The following TENM3 variants were observed in gnomAD, a reference collection of about 807,000 sequenced individuals.
TENM3 encodes the protein teneurin transmembrane protein 3, also known as teneurin-3.
In TENM3, 63 loss-of-function variants were observed where a neutral mutation model predicts 255.1. That is an observed-to-expected ratio of 0.25 (90% confidence interval 0.20 to 0.30). TENM3 has a LOEUF of 0.30. Ranked by LOEUF, TENM3 falls within the 10% of genes least tolerant of loss-of-function variation. The pLI, the probability that TENM3 is intolerant of heterozygous loss-of-function variation, is 1.00. For synonymous variants in TENM3, 1,306 were observed against 1,322.3 expected (o/e 0.99, Z 0.27); for missense variants, 2,929 against 3,461.1 (o/e 0.85, Z 3.86).
chr4:182,136,982 C>CG, the TENM3 span, among the ~76,000 whole-genome samples: 1 of 152,108 alleles, frequency 6.6e-6, no homozygotes, highest in Non-Finnish European at 1.5e-5. Context: ...GCATCCCCCC[C>CG]CACCCAATAC....
chr4:181,598,550 A>G, the TENM3 span, among the ~76,000 whole-genome samples: 3 of 152,216 alleles, frequency 2.0e-5, no homozygotes, highest in Non-Finnish European at 4.4e-5. Flanking sequence ...TTAATGGGAC[A>G]CAATGAAAAG....
At chr4:182,110,288 C>T in the TENM3 span, among the ~76,000 whole-genome samples, 1 of 151,842 alleles carries the variant, frequency 6.6e-6, no homozygotes. Context: ...TTGCACTGAT[C>T]CCTATTCAAG....
At chr4:182,257,281 AC>A (rs761343232) in intron 1 of TENM3, among the ~76,000 whole-genome samples, 3 of 152,192 alleles carry the variant, frequency 2.0e-5, no homozygotes, top group Admixed American at 6.5e-5. Flanking sequence ...GTCTGCATTC[AC>A]GTGTAACAGA....
At chr4:182,779,573 G>A (rs940559317) in intron 24 of TENM3, among the ~76,000 whole-genome samples, 1 of 152,130 alleles carries the variant, frequency 6.6e-6, no homozygotes, top group African/African-American at 2.4e-5. Context: ...CCCAGTAATG[G>A]GGTAATGGGA....
the TENM3 span, among the ~76,000 whole-genome samples, chr4:181,900,151 A>G: frequency 6.6e-6 from 1 of 152,190 alleles, no homozygotes; most frequent in African/African-American, 2.4e-5. Flanking sequence ...TTAAATCTTC[A>G]TTGATTTATG....
chr4:182,167,937 T>G (rs773084212), intron 1 of TENM3, among the ~76,000 whole-genome samples: 6 of 152,152 alleles, frequency 3.9e-5, no homozygotes, highest in Non-Finnish European at 8.8e-5. Context: ...TGTTTTATGA[T>G]ACAGAATATT....
the TENM3 span, among the ~76,000 whole-genome samples, chr4:181,677,651 T>G: frequency 6.6e-6 from 1 of 152,220 alleles, no homozygotes; most frequent in South Asian, 2.1e-4. Flanking sequence ...GTGGGAGTGC[T>G]TCTCTAAAAG....
At chr4:182,592,411 C>G (rs911207923) in intron 3 of TENM3, among the ~76,000 whole-genome samples, 2 of 152,180 alleles carry the variant, frequency 1.3e-5, no homozygotes, top group African/African-American at 4.8e-5. Flanking sequence ...ACCTGAGGCT[C>G]TGGCCACTGT....
chr4:181,697,079 T>A, the TENM3 span, among the ~76,000 whole-genome samples: 1 of 152,246 alleles, frequency 6.6e-6, no homozygotes, highest in African/African-American at 2.4e-5. Flanking sequence ...GGACCCTTGA[T>A]GACCAACAAT....
the TENM3 span, among the ~76,000 whole-genome samples, chr4:181,549,373 C>T: frequency 6.6e-6 from 1 of 152,136 alleles, no homozygotes; most frequent in Non-Finnish European, 1.5e-5. Flanking sequence ...CATTTTACAT[C>T]ATTGTTATCC....
intron 3 of TENM3, among the ~76,000 whole-genome samples, chr4:182,446,239 A>G (rs1460589094): frequency 1.3e-5 from 2 of 152,226 alleles, no homozygotes; most frequent in African/African-American, 2.4e-5. Context: ...ATTTGGAAAT[A>G]CATAATTAGT....
At position 182,718,017 on chromosome 4, in the gene TENM3, G is replaced by A. The variant is rs78436100; in HGVS notation, c.2368+3784G>A. Among the ~76,000 whole-genome samples the A allele has an allele frequency of 6.6e-3, 1,009 of 152,152 alleles. 14 individuals carry two copies. Among genetic ancestry groups the A allele is most frequent in the African/African-American group, 0.023 (971 of 41,522 alleles). ...AAGTACCTCTTTTCACCAGCCATTTGCATTGAAGTCTGCCCTGTCTCACAG... is the reference window on the plus strand; with the variant it reads ...AAGTACCTCTTTTCACCAGCCATTTACATTGAAGTCTGCCCTGTCTCACAG... On this transcript the variant is annotated intron_variant, in intron 13 of 27. Transcript: ENST00000511685.
chr4:182,010,560 A>T, the TENM3 span, among the ~76,000 whole-genome samples: 1 of 152,082 alleles, frequency 6.6e-6, no homozygotes, highest in Non-Finnish European at 1.5e-5. Context: ...CAAAGAAAAA[A>T]TGGGATTCGT....
chr4:181,588,107 G>A, the TENM3 span, among the ~76,000 whole-genome samples: 1 of 152,282 alleles, frequency 6.6e-6, no homozygotes, highest in East Asian at 1.9e-4. Flanking sequence ...GAGCATGCCA[G>A]ACATGCCAAG....
chr4:182,792,423 C>G lies in TENM3; in HGVS notation c.5751C>G (p.Pro1917=). Residue 1917 remains proline (P), a synonymous_variant, in exon 26 of 28, where the codon CCC becomes CCG. Transcript: ENST00000511685. This position sits in a 1 kb window ranked among gnomAD's most constrained non-coding sequence, Gnocchi z 6.3. ...GCTACTACCGCAACATATACAACCC[C>G]CCGGAAAGCAACGCCTCCATCATCA... The part of the protein sequence containing the change: ...SIGYYRNIYN[P]PESNASIITD... 1 of 1,614,050 alleles carries G rather than the reference C, an allele frequency of 6.2e-7. No individual in the cohort carries two copies. The highest frequency in any genetic ancestry group is 8.5e-7 in the Non-Finnish European group (1 of 1,179,908).
rs182333750 is a variant in TENM3 at position 182,674,529 on chromosome 4, T to C, written c.1326+1310T>C. The stretch of plus-strand genomic sequence containing the variant: ...CTTCTTATAATGTACTAATGCCCAA[T>C]TTTAAATTTTATATTTTTGTTTGTT... On this transcript the variant is annotated intron_variant, in intron 7 of 27. Coordinates refer to ENST00000511685, the MANE Select transcript of TENM3 (RefSeq NM_001080477.4). 4.0e-3 allele frequency among the ~76,000 whole-genome samples: 603 copies of C among 152,278 alleles called. 2 individuals carry two copies. The highest frequency in any genetic ancestry group is 0.01 in the Middle Eastern group (3 of 294).
the TENM3 span, among the ~76,000 whole-genome samples, chr4:182,088,448 T>G: frequency 6.6e-6 from 1 of 152,158 alleles, no homozygotes; most frequent in Non-Finnish European, 1.5e-5. Flanking sequence ...TTCAGCTTTC[T>G]CCCCAACCTT....
the TENM3 span, among the ~76,000 whole-genome samples, chr4:181,994,205 A>C: frequency 6.6e-6 from 1 of 152,322 alleles, no homozygotes; most frequent in South Asian, 2.1e-4. Flanking sequence ...AATAAGCAAT[A>C]AAACAATTAT....
chr4:181,840,485 A>G, the TENM3 span, among the ~76,000 whole-genome samples: 1 of 152,122 alleles, frequency 6.6e-6, no homozygotes, highest in Non-Finnish European at 1.5e-5. Flanking sequence ...ACTCTAAACT[A>G]AATACTATTT....
Sources: gnomAD v4.1 joint callset for allele counts (sites outside exome capture counted in the v4.1 genomes callset) on GRCh38, gnomAD v4.1.1 for gene constraint, Gnocchi (gnomAD v3.1) non-coding constraint, MANE v1.5 for transcripts, NCBI Gene and HGNC (gene_info 2026-07-23, HGNC 2026-07-21) for gene names.